IL1RAPL1: variants seen among roughly 807,000 people sequenced by gnomAD.
The protein encoded by IL1RAPL1 is interleukin-1 receptor accessory protein-like 1.
Under a neutral mutation model 48.4 loss-of-function variants are expected in IL1RAPL1, and 3 were observed. The observed-to-expected ratio is 0.06, with a 90% CI of 0.03 to 0.16. IL1RAPL1 has a LOEUF of 0.16. Ranked by LOEUF, IL1RAPL1 falls within the 10% of genes least tolerant of loss-of-function variation. The probability of loss-of-function intolerance (pLI) is 1.00; values close to 1 mark genes in which losing one functional copy is unlikely to be tolerated. For synonymous variants in IL1RAPL1, 185 were observed against 187.7 expected, an observed-to-expected ratio of 0.99 and a Z score of 0.12; for missense variants, 349 against 530.6, an observed-to-expected ratio of 0.66 and a Z score of 3.36.
chrX:29,556,647 C>CAA (rs11342018), intron 5 of IL1RAPL1, among the ~76,000 whole-genome samples: 2 of 54,129 alleles, frequency 3.7e-5, no homozygotes. Context: ...GACTCTGCCT[C>CAA]AAAAAAAAAA....
intron 6 of IL1RAPL1, among the ~76,000 whole-genome samples, chrX:29,908,142 A>T (rs999518173): frequency 9.0e-6 from 1 of 111,194 alleles, no homozygotes; most frequent in African/African-American, 3.3e-5. Context: ...CCCACTATGG[A>T]AAACTGGCTT....
At chrX:29,114,405 C>T in intron 2 of IL1RAPL1, among the ~76,000 whole-genome samples, 1 of 111,994 alleles carries the variant, frequency 8.9e-6, no homozygotes, top group Non-Finnish European at 1.9e-5. Context: ...GGGCATACTT[C>T]CTTCATGGCT....
At chrX:29,562,781 T>C (rs1180267670) in intron 5 of IL1RAPL1, among the ~76,000 whole-genome samples, 2 of 112,320 alleles carry the variant, frequency 1.8e-5, no homozygotes, top group Non-Finnish European at 3.8e-5. Flanking sequence ...CTAAACTTTG[T>C]GGTGTTACAT....
intron 2 of IL1RAPL1, among the ~76,000 whole-genome samples, chrX:29,267,098 C>T (rs534971144): frequency 8.9e-6 from 1 of 111,916 alleles, no homozygotes; most frequent in South Asian, 3.7e-4. Context: ...ACTCTATGTT[C>T]TATCCAAACC....
chrX:29,672,532 T>C (rs1483799532), intron 6 of IL1RAPL1, among the ~76,000 whole-genome samples: 1 of 111,469 alleles, frequency 9.0e-6, no homozygotes, highest in Non-Finnish European at 1.9e-5. Flanking sequence ...TTTAGGTAAA[T>C]GTCTACCCTT....
At chrX:28,738,473 A>G (rs2146951434) in intron 1 of IL1RAPL1, among the ~76,000 whole-genome samples, 1 of 111,243 alleles carries the variant, frequency 9.0e-6, no homozygotes, top group Admixed American at 9.6e-5. Flanking sequence ...AAACTGGGGG[A>G]GAGTTATGTG....
rs770278267 is a variant in IL1RAPL1 at position 29,185,861 on chromosome X, C to T, written c.83-97077C>T. ...GTCACAGCAGCAAAAAAAAAAGGCTCCATTTAAGCATTTAAGAATGGGTCT... is the reference window on the plus strand; with the variant it reads ...GTCACAGCAGCAAAAAAAAAAGGCTTCATTTAAGCATTTAAGAATGGGTCT... On this transcript the variant is annotated intron_variant, in intron 2 of 10. Coordinates refer to ENST00000378993, the MANE Select transcript of IL1RAPL1 (RefSeq NM_014271.4). Among the ~76,000 whole-genome samples the T allele has an allele frequency of 3.6e-5, 4 of 110,353 alleles. No individual in the cohort carries two copies. In the Admixed American group the frequency reaches 3.9e-4, roughly 11 times the overall value.
chrX:28,834,863 T>C (rs1015603539), intron 2 of IL1RAPL1, among the ~76,000 whole-genome samples: 1 of 111,596 alleles, frequency 9.0e-6, no homozygotes, highest in Non-Finnish European at 1.9e-5. Flanking sequence ...TGCCTGCTAC[T>C]TCCTAATAGT....
rs761913301 is a variant in IL1RAPL1 at position 29,399,318 on chromosome X, G to A, written c.703+10G>A. 2.4e-5 allele frequency: 28 copies of A among 1,183,865 alleles called. No homozygotes were observed. Among genetic ancestry groups the A allele is most frequent in the Non-Finnish European group, 3.2e-5 (28 of 872,161 alleles). On this transcript the variant is annotated intron_variant, in intron 5 of 10. Coordinates refer to ENST00000378993, the MANE Select transcript of IL1RAPL1 (RefSeq NM_014271.4). ...GAATTAACTGTTACAGGTAATCACA[G>A]TCTTCAATATTTCACTTGCAAGTGA...
rs1213588501 is a variant in IL1RAPL1 at position 28,779,628 on chromosome X, G to GTATATA, written c.-24-9691_-24-9690insATATAT. On this transcript the variant is annotated intron_variant, in intron 1 of 10. Transcript: ENST00000378993. ...CAGAGTGATACTATTATGTGTGTGT[G>GTATATA]TGTGTGTATATATATATATATATAT... is the stretch of plus-strand genomic sequence containing the variant. Among the ~76,000 whole-genome samples, 7 of 56,236 alleles carry GTATATA rather than the reference G, an allele frequency of 1.2e-4. No homozygotes were observed. In the East Asian group the frequency reaches 3.2e-3, roughly 26 times the overall value. The allele number at this position is 56,236 out of a possible 115,157, so 48.8% of individuals were successfully genotyped here. A position where few individuals can be genotyped will look rare whatever the true frequency, so the allele number is the denominator to read the frequency against.
chrX:29,934,612 T>C (rs1932999769), intron 8 of IL1RAPL1, among the ~76,000 whole-genome samples: 1 of 111,806 alleles, frequency 8.9e-6, no homozygotes, highest in Non-Finnish European at 1.9e-5. Context: ...TCCACCTAGA[T>C]TTACCAATTA....
intron 2 of IL1RAPL1, among the ~76,000 whole-genome samples, chrX:28,985,805 G>A (rs1331364593): frequency 3.7e-5 from 4 of 109,437 alleles, no homozygotes; most frequent in Admixed American, 2.9e-4. Context: ...GACTACAGGC[G>A]CCCGCCACCT....
At chrX:29,569,633 A>C (rs1169047876) in intron 5 of IL1RAPL1, among the ~76,000 whole-genome samples, 1 of 94,842 alleles carries the variant, frequency 1.1e-5, no homozygotes, top group Non-Finnish European at 2.1e-5. Flanking sequence ...ATAAAATTGC[A>C]AAAAAAAAAA....
chrX:29,593,621 A>G (rs1414685782), intron 5 of IL1RAPL1, among the ~76,000 whole-genome samples: 3 of 111,864 alleles, frequency 2.7e-5, no homozygotes, highest in Non-Finnish European at 5.6e-5. Context: ...GTTCATTTCA[A>G]TATCCTTGAT....
At chrX:28,989,065 G>A (rs1925541403) in intron 2 of IL1RAPL1, among the ~76,000 whole-genome samples, 2 of 112,050 alleles carry the variant, frequency 1.8e-5, no homozygotes. Flanking sequence ...TTTCATTTTG[G>A]CTTCTAGGCT....
intron 6 of IL1RAPL1, among the ~76,000 whole-genome samples, chrX:29,822,153 A>T (rs185994796): frequency 1.8e-5 from 2 of 111,874 alleles, no homozygotes; most frequent in Non-Finnish European, 3.8e-5. Context: ...TTTAAATTTC[A>T]ATCAGTTTGT....
chrX:29,368,551 T>A (rs185340702), intron 3 of IL1RAPL1, among the ~76,000 whole-genome samples: 31 of 110,419 alleles, frequency 2.8e-4, no homozygotes, highest in African/African-American at 1.0e-3. Context: ...TCAGCTAAGT[T>A]TTTTTGTTTG....
At chrX:29,006,846 C>A (rs1481867000) in intron 2 of IL1RAPL1, among the ~76,000 whole-genome samples, 1 of 110,203 alleles carries the variant, frequency 9.1e-6, no homozygotes, top group East Asian at 2.8e-4. Context: ...AAATTTATAT[C>A]ATTTATATAT....
At chrX:29,688,867 A>G (rs145144529) in intron 6 of IL1RAPL1, among the ~76,000 whole-genome samples, 1,328 of 107,775 alleles carry the variant, frequency 0.012, 9 homozygotes, top group Middle Eastern at 0.056. Flanking sequence ...TGAAGTTACC[A>G]AATGGGGAAG....
Sources: allele counts gnomAD v4.1 joint callset (sites outside exome capture counted in the v4.1 genomes callset), GRCh38; gene constraint gnomAD v4.1.1; transcripts MANE v1.5; gene names NCBI Gene and HGNC (gene_info 2026-07-23, HGNC 2026-07-21).